The following TUBGCP3 variants were observed in gnomAD, a reference collection of about 807,000 sequenced individuals.
TUBGCP3 encodes tubulin gamma complex component 3, also known as gamma-tubulin complex component 3.
Under a neutral mutation model 123.1 loss-of-function variants are expected in TUBGCP3, and 50 were observed. The ratio of observed to expected loss-of-function variants is 0.41; its 90% CI spans 0.32 to 0.51. The LOEUF (loss-of-function observed/expected upper bound fraction) is 0.51, where lower values mean the gene tolerates loss of function less well. Among genes scored for constraint, TUBGCP3 ranks in the 20% least tolerant of loss-of-function variants. The pLI is 0.36. For missense variants in TUBGCP3, 882 were observed against 1,127.0 expected, an observed-to-expected ratio of 0.78 and a Z score of 3.11; for synonymous variants, 405 against 413.9, an observed-to-expected ratio of 0.98 and a Z score of 0.26.
In TUBGCP3 at chr13:112,565,091, T is replaced by C; in HGVS notation, c.252+20A>G. On this transcript the variant is annotated intron_variant, in intron 3 of 21. Coordinates refer to ENST00000261965, the MANE Select transcript of TUBGCP3 (RefSeq NM_006322.6). The stretch of plus-strand genomic sequence containing the variant: ...ATCCTCAACAATGAGTGCAATGACC[T>C]CCAGAATTCTGCACTGTACCTGTGA... The C allele has an allele frequency of 6.2e-7, 1 of 1,609,552 alleles. No individual in the cohort carries two copies. Among genetic ancestry groups the C allele is most frequent in the Non-Finnish European group, 8.5e-7 (1 of 1,176,854 alleles).
At chr13:112,535,272 G>A (rs1420834266) in intron 11 of TUBGCP3, among the ~76,000 whole-genome samples, 3 of 152,146 alleles carry the variant, frequency 2.0e-5, no homozygotes, top group Non-Finnish European at 4.4e-5. Context: ...GTTTTTAGAC[G>A]AATGCGTGTT....
intron 1 of TUBGCP3, among the ~76,000 whole-genome samples, chr13:112,579,828 A>G (rs1410202210): frequency 1.5e-4 from 23 of 152,236 alleles, no homozygotes. Context: ...CAACAACCCC[A>G]CTTGCAGGTG....
rs765345273 is a variant in TUBGCP3 at position 112,516,421 on chromosome 13, G to C, written c.2086+19C>G. On this transcript the variant is annotated intron_variant, in intron 17 of 21. Coordinates refer to ENST00000261965, the MANE Select transcript of TUBGCP3 (RefSeq NM_006322.6). ...CCGCTGGGAGTGTGTGCGGACCCGT[G>C]ACCGTGCTGGGGGCTCACCTGGCAT... 6.3e-7 allele frequency: 1 copy of C among 1,580,714 alleles called. No individual in the cohort carries two copies. Among genetic ancestry groups the C allele is most frequent in the South Asian group, 1.1e-5 (1 of 87,516 alleles).
chr13:112,541,981 C>CA (rs1878557985), intron 11 of TUBGCP3, among the ~76,000 whole-genome samples: 1 of 152,162 alleles, frequency 6.6e-6, no homozygotes, highest in Non-Finnish European at 1.5e-5. Flanking sequence ...TCATCTTTTA[C>CA]TTCTGAAGGG....
At chr13:112,578,851 C>CTGG (rs1882067366) in intron 1 of TUBGCP3, among the ~76,000 whole-genome samples, 2 of 152,252 alleles carry the variant, frequency 1.3e-5, no homozygotes, top group Admixed American at 1.3e-4. Context: ...CCCCCACGAC[C>CTGG]TGGTGTTGGG....
chr13:112,522,199 T>C, intron 14 of TUBGCP3, 121 bp downstream of exon 14: 1 of 993,634 alleles, frequency 1.0e-6, no homozygotes, highest in Non-Finnish European at 1.4e-6. Flanking sequence ...GATTTTATTT[T>C]AAAAAGTATG....
intron 1 of TUBGCP3, among the ~76,000 whole-genome samples, chr13:112,573,419 A>G (rs1881566669): frequency 6.6e-6 from 1 of 152,052 alleles, no homozygotes; most frequent in South Asian, 2.1e-4. Flanking sequence ...GGGGAGGGAG[A>G]AACCTGGAGT....
chr13:112,568,059 C>T (rs999935849), intron 2 of TUBGCP3, among the ~76,000 whole-genome samples: 2 of 151,510 alleles, frequency 1.3e-5, no homozygotes, highest in African/African-American at 4.9e-5. Context: ...TCACTAAGAC[C>T]CACGGCCAAA....
At chr13:112,558,948 G>A (rs1377095084) in intron 4 of TUBGCP3, among the ~76,000 whole-genome samples, 1 of 152,080 alleles carries the variant, frequency 6.6e-6, no homozygotes, top group Non-Finnish European at 1.5e-5. Flanking sequence ...GGGTTTCACT[G>A]GCACAAAAGT....
In TUBGCP3 at chr13:112,498,671, T is replaced by C. The variant is rs1442778122; in HGVS notation, c.2448+374A>G. 8 of 1,214,192 alleles carry C rather than the reference T, an allele frequency of 6.6e-6. No individual in the cohort carries two copies. In the Admixed American group the frequency reaches 8.4e-5, roughly 13 times the overall value. The allele number at this position is 1,214,192 out of a possible 1,614,324, so 75.2% of individuals were successfully genotyped here. A position where few individuals can be genotyped will look rare whatever the true frequency, so the allele number is the denominator to read the frequency against. On this transcript the variant is annotated intron_variant, in intron 20 of 21. Transcript: ENST00000261965. ...GAGGAGCACCTGTAGATGCACACGT[T>C]TGCAAAATGCAGCATGGTGCACGAT...
chr13:112,559,662 G>A (rs1334703800), intron 3 of TUBGCP3, among the ~76,000 whole-genome samples: 3 of 152,100 alleles, frequency 2.0e-5, no homozygotes, highest in Non-Finnish European at 2.9e-5. Context: ...GTTTTTTTAA[G>A]TTACCCTATT....
At position 112,511,563 on chromosome 13, in the gene TUBGCP3, C is replaced by T. The variant is rs957682406; in HGVS notation, c.2086+4877G>A. 1.9e-4 allele frequency among the ~76,000 whole-genome samples: 29 copies of T among 151,968 alleles called. No individual in the cohort carries two copies. Among genetic ancestry groups the T allele is most frequent in the African/African-American group, 7.0e-4 (29 of 41,368 alleles). On this transcript the variant is annotated intron_variant, in intron 17 of 21. Coordinates refer to ENST00000261965, the MANE Select transcript of TUBGCP3 (RefSeq NM_006322.6). This position sits in a 1 kb window ranked among gnomAD's most constrained non-coding sequence, Gnocchi z 4.1. ...CCAAGAGGAGCTGGGGCCAGGTTTA[C>T]GCAGCTGCAGGCCACAGGAGCCTGC...
At chr13:112,555,984 TTAAAA>T in intron 6 of TUBGCP3, 63 bp downstream of exon 6, 1 of 1,534,916 alleles carries the variant, frequency 6.5e-7, no homozygotes, top group Non-Finnish European at 8.8e-7. Context: ...GGGCTGTACT[TTAAAA>T]TAAGGAGAGG....
In TUBGCP3 at chr13:112,502,639, G is replaced by A. The variant is rs181482160; in HGVS notation, c.2307+1393C>T. ...TGGCTCACTGCAAGCTCCGCCTCCC[G>A]GGTTCACGCCATTCTCCTGCCTCAG... is the stretch of plus-strand genomic sequence containing the variant. On this transcript the variant is annotated intron_variant, in intron 19 of 21. Coordinates refer to ENST00000261965, the MANE Select transcript of TUBGCP3 (RefSeq NM_006322.6). 5.0e-3 allele frequency among the ~76,000 whole-genome samples: 728 copies of A among 146,988 alleles called. 4 individuals carry two copies. The highest frequency in any genetic ancestry group is 0.018 in the African/African-American group (701 of 39,468).
Position 112,554,607 on chromosome 13 carries a change from G to A in TUBGCP3, c.840+280C>T, listed in dbSNP as rs547115443. 9.8e-5 allele frequency among the ~76,000 whole-genome samples: 15 copies of A among 152,320 alleles called. No individual in the cohort carries two copies. The South Asian group carries it at 1.0e-3, about 11-fold the overall frequency. ...GCCAAGGGACCTCTGTCCCCTGGGT[G>A]CCTCAGCCATCACACAGCAGGATGC... On this transcript the variant is annotated intron_variant, in intron 7 of 21. Transcript: ENST00000261965.
intron 11 of TUBGCP3, among the ~76,000 whole-genome samples, chr13:112,529,962 G>A (rs1877445982): frequency 6.6e-6 from 1 of 152,164 alleles, no homozygotes; most frequent in Admixed American, 6.5e-5. Flanking sequence ...AACCCAAGAA[G>A]CAAGAGAGAG....
At chr13:112,553,056 C>T (rs1879719077) in intron 8 of TUBGCP3, among the ~76,000 whole-genome samples, 1 of 151,580 alleles carries the variant, frequency 6.6e-6, no homozygotes, top group South Asian at 2.1e-4. Context: ...ACCGGCCATG[C>T]TCCTACTCCC....
chr13:112,593,148 G>A (rs1021231405), upstream of TUBGCP3, among the ~76,000 whole-genome samples: 9 of 152,172 alleles, frequency 5.9e-5, no homozygotes, highest in African/African-American at 2.2e-4. Context: ...GCTGGGCGCG[G>A]TAGCTCACAC....
chr13:112,547,818 A>G (rs1879193875), intron 9 of TUBGCP3, 66 bp from the exon 10 acceptor site: 1 of 1,366,672 alleles, frequency 7.3e-7, no homozygotes, highest in Non-Finnish European at 9.6e-7. Context: ...TTCTTAATCT[A>G]TATCAAGTGA....
Sources: allele counts gnomAD v4.1 joint callset (sites outside exome capture counted in the v4.1 genomes callset), GRCh38; gene constraint gnomAD v4.1.1; non-coding constraint Gnocchi (gnomAD v3.1); transcripts MANE v1.5; gene names NCBI Gene and HGNC (gene_info 2026-07-23, HGNC 2026-07-21).